Variants in KCNIP4 observed in about 807,000 individuals in gnomAD.
KCNIP4 encodes the protein potassium voltage-gated channel interacting protein 4.
In KCNIP4, 12 loss-of-function variants were observed where a neutral mutation model predicts 34.0. The ratio of observed to expected loss-of-function variants is 0.35; its 90% CI spans 0.23 to 0.57. KCNIP4 has a LOEUF of 0.57. Ranked by LOEUF, KCNIP4 falls within the 20% of genes least tolerant of loss-of-function variation. The pLI is 0.83. For synonymous variants in KCNIP4, 124 were observed against 102.2 expected (o/e 1.21, Z -1.29); for missense variants, 238 against 311.7 (o/e 0.76, Z 1.78).
At chr4:20,807,837 A>G (rs1715273701) in intron 3 of KCNIP4, among the ~76,000 whole-genome samples, 1 of 152,158 alleles carries the variant, frequency 6.6e-6, no homozygotes, top group South Asian at 2.1e-4. Flanking sequence ...TTAAATAGAA[A>G]TCACTCCCAG....
intron 1 of KCNIP4, among the ~76,000 whole-genome samples, chr4:21,072,960 G>A (rs1745109699): frequency 6.6e-6 from 1 of 152,106 alleles, no homozygotes; most frequent in African/African-American, 2.4e-5. Flanking sequence ...GGTTGTAGAT[G>A]TGTGGTATTC....
intron 1 of KCNIP4, among the ~76,000 whole-genome samples, chr4:21,813,774 T>C (rs1435562402): frequency 6.6e-6 from 1 of 152,176 alleles, no homozygotes; most frequent in Non-Finnish European, 1.5e-5. Context: ...TAATAGGAGA[T>C]AGGAAGTCTC....
chr4:20,787,908 G>A (rs1712221358), intron 3 of KCNIP4, among the ~76,000 whole-genome samples: 1 of 151,958 alleles, frequency 6.6e-6, no homozygotes, highest in African/African-American at 2.4e-5. Context: ...TACTTATGAA[G>A]GTTTTTAATA....
At chr4:21,929,915 C>T (rs1333451194) in intron 1 of KCNIP4, among the ~76,000 whole-genome samples, 2 of 152,138 alleles carry the variant, frequency 1.3e-5, no homozygotes, top group Non-Finnish European at 2.9e-5. Flanking sequence ...CTTTTACCTC[C>T]CTACATGTTC....
chr4:20,800,750 A>T (rs1358714798), intron 3 of KCNIP4, among the ~76,000 whole-genome samples: 2 of 152,206 alleles, frequency 1.3e-5, no homozygotes, highest in Non-Finnish European at 2.9e-5. Context: ...CAAAAGAAAA[A>T]GGAATGAAAA....
intron 1 of KCNIP4, among the ~76,000 whole-genome samples, chr4:21,944,527 A>C (rs1251664307): frequency 1.5e-5 from 2 of 135,582 alleles, no homozygotes; most frequent in East Asian, 4.9e-4. Context: ...ACTGCACTCC[A>C]CCCTGGGCAA....
chr4:21,885,720 G>A (rs911370132), intron 1 of KCNIP4, among the ~76,000 whole-genome samples: 15 of 152,170 alleles, frequency 9.9e-5, no homozygotes, highest in African/African-American at 2.9e-4. Flanking sequence ...ATTTTCAGAC[G>A]GAATAATTAA....
rs145834441 is a variant in KCNIP4 at position 21,597,326 on chromosome 4, C to T, written c.61+351245G>A. Among the ~76,000 whole-genome samples the T allele has an allele frequency of 3.2e-3, 486 of 152,186 alleles. 4 individuals are homozygous for T. Among genetic ancestry groups the T allele is most frequent in the African/African-American group, 0.011 (453 of 41,550 alleles). The stretch of plus-strand genomic sequence containing the variant: ...TGTAAGACGTGCTTTTCACCTTCGG[C>T]CATGATCATGAGGCCTCCCCAGACA... On this transcript the variant is annotated intron_variant, in intron 1 of 8. Transcript: ENST00000382152.
At chr4:21,933,284 T>A (rs1305517062) in intron 1 of KCNIP4, among the ~76,000 whole-genome samples, 2 of 151,928 alleles carry the variant, frequency 1.3e-5, no homozygotes, top group African/African-American at 2.4e-5. Flanking sequence ...TAAAATAAAG[T>A]CCAAATATTT....
intron 1 of KCNIP4, among the ~76,000 whole-genome samples, chr4:21,299,910 CAG>C (rs752045445): frequency 6.6e-6 from 1 of 152,126 alleles, no homozygotes; most frequent in African/African-American, 2.4e-5. Flanking sequence ...TACAGTATTA[CAG>C]ATATTTGCTA....
intron 1 of KCNIP4, among the ~76,000 whole-genome samples, chr4:21,183,479 T>TG (rs1201457799): frequency 3.3e-5 from 5 of 151,578 alleles, no homozygotes; most frequent in South Asian, 4.2e-4. Context: ...GTTTTTTTTT[T>TG]TTTTGGTTTT....
intron 3 of KCNIP4, among the ~76,000 whole-genome samples, chr4:20,803,470 C>CAAAAAAAAAAAA (rs551176038): frequency 2.3e-5 from 2 of 85,890 alleles, no homozygotes; most frequent in African/African-American, 1.0e-4. Context: ...TCATCTTTAC[C>CAAAAAAAAAAAA]AAAAAAAAAA....
intron 1 of KCNIP4, among the ~76,000 whole-genome samples, chr4:21,147,300 G>A (rs1032490277): frequency 2.0e-5 from 3 of 152,096 alleles, no homozygotes; most frequent in African/African-American, 4.8e-5. Flanking sequence ...TTCAGTTCTC[G>A]GGGAGGCCCA....
chr4:20,730,328 ATATTTTG>A (rs776294499), intron 8 of KCNIP4, among the ~76,000 whole-genome samples, 199 bp from the exon 9 acceptor site: 102 of 152,288 alleles, frequency 6.7e-4, no homozygotes, highest in Non-Finnish European at 8.7e-4. Flanking sequence ...GACCCATTTT[ATATTTTG>A]TGGAGTCTAT....
chr4:20,791,103 T>C (rs191263168), intron 3 of KCNIP4, among the ~76,000 whole-genome samples: 2 of 152,240 alleles, frequency 1.3e-5, no homozygotes, highest in East Asian at 3.9e-4. Flanking sequence ...ACTATAAAGA[T>C]GACAGTAGTT....
At chr4:21,539,048 C>G (rs781095996) in intron 1 of KCNIP4, among the ~76,000 whole-genome samples, 1 of 152,176 alleles carries the variant, frequency 6.6e-6, no homozygotes, top group Non-Finnish European at 1.5e-5. Flanking sequence ...CCCCTTTGCT[C>G]TCTCTCGCTC....
chr4:21,260,081 C>T lies in KCNIP4; in HGVS notation c.62-377372G>A, dbSNP rs114424226. Among the ~76,000 whole-genome samples, 699 of 152,114 alleles carry T rather than the reference C, an allele frequency of 4.6e-3. 3 individuals are homozygous for T. Among genetic ancestry groups the T allele is most frequent in the African/African-American group, 0.016 (657 of 41,504 alleles). ...TTCAGGTGATCATCTGTAATTTAAACGGAGAAGGTGAGATGGTCAGGAATT... is the reference window on the plus strand; with the variant it reads ...TTCAGGTGATCATCTGTAATTTAAATGGAGAAGGTGAGATGGTCAGGAATT... On this transcript the variant is annotated intron_variant, in intron 1 of 8. Coordinates refer to ENST00000382152, the MANE Select transcript of KCNIP4 (RefSeq NM_025221.6).
At chr4:21,214,544 C>T (rs879549693) in intron 1 of KCNIP4, among the ~76,000 whole-genome samples, 7 of 152,118 alleles carry the variant, frequency 4.6e-5, no homozygotes, top group African/African-American at 7.2e-5. Context: ...AGTTTGATTA[C>T]CTGTGTTGCA....
intron 1 of KCNIP4, among the ~76,000 whole-genome samples, chr4:21,004,166 A>C (rs1483610560): frequency 6.6e-6 from 1 of 152,222 alleles, no homozygotes; most frequent in African/African-American, 2.4e-5. Flanking sequence ...AGACTAAAAA[A>C]GTGAGATGAG....
Sources: allele counts gnomAD v4.1 joint callset (sites outside exome capture counted in the v4.1 genomes callset), GRCh38; gene constraint gnomAD v4.1.1; transcripts MANE v1.5; gene names NCBI Gene and HGNC (gene_info 2026-07-23, HGNC 2026-07-21).